Variants in MORF4L1 observed in about 807,000 individuals in gnomAD.
MORF4L1 encodes mortality factor 4 like 1, also known as mortality factor 4-like protein 1.
MORF4L1 carries 4 observed loss-of-function variants against 52.9 expected under a neutral mutation model. The observed-to-expected ratio is 0.08, with a 90% CI of 0.04 to 0.17. The LOEUF (loss-of-function observed/expected upper bound fraction) is 0.17, where lower values mean the gene tolerates loss of function less well. Among genes scored for constraint, MORF4L1 ranks in the 10% least tolerant of loss-of-function variants. The pLI is 1.00. For synonymous variants in MORF4L1, 123 were observed against 134.8 expected, an observed-to-expected ratio of 0.91 and a Z score of 0.61; for missense variants, 214 against 390.4, an observed-to-expected ratio of 0.55 and a Z score of 3.81.
At chr15:78,873,392 C>T (rs546445458) in intron 1 of MORF4L1, among the ~76,000 whole-genome samples, 19 of 111,632 alleles carry the variant, frequency 1.7e-4, no homozygotes, top group African/African-American at 2.8e-4. Context: ...GCCATGGCGG[C>T]GGTTAGGGGA....
At chr15:78,873,259 T>G (rs980300071) in intron 1 of MORF4L1, 37 of 1,487,816 alleles carry the variant, frequency 2.5e-5, no homozygotes, top group Middle Eastern at 2.4e-4. Flanking sequence ...GCGAGAGTGC[T>G]GCGCAGGCGT....
chr15:78,887,064 A>G (rs1350236659), intron 4 of MORF4L1, among the ~76,000 whole-genome samples: 1 of 152,128 alleles, frequency 6.6e-6, no homozygotes. Flanking sequence ...AGTCTATTAC[A>G]GTCACTTTTT....
chr15:78,878,072 A>C (rs2056529854), intron 1 of MORF4L1, 141 bp from the exon 2 acceptor site: 2 of 658,488 alleles, frequency 3.0e-6, no homozygotes, highest in Non-Finnish European at 4.8e-6. Flanking sequence ...AGTTTGAGCC[A>C]AAGTGGTGCT....
intron 4 of MORF4L1, 112 bp from the exon 5 acceptor site, chr15:78,887,157 T>TA (rs922804866): frequency 3.4e-6 from 3 of 873,492 alleles, no homozygotes; most frequent in Non-Finnish European, 5.5e-6. Context: ...TCCAACTTGT[T>TA]AAAAACTTGT....
chr15:78,876,086 C>G (rs1200043366), intron 1 of MORF4L1, among the ~76,000 whole-genome samples: 3 of 151,748 alleles, frequency 2.0e-5, no homozygotes, highest in African/African-American at 7.3e-5. Context: ...TATAGGCACG[C>G]GCCACCACGC....
At chr15:78,883,449 T>G (rs1438735974) in intron 3 of MORF4L1, among the ~76,000 whole-genome samples, 1 of 152,224 alleles carries the variant, frequency 6.6e-6, no homozygotes, top group Non-Finnish European at 1.5e-5. Context: ...ATTTGTAGCT[T>G]GTCACAAGTT....
At chr15:78,889,144 A>G (rs1256913694) in intron 5 of MORF4L1, among the ~76,000 whole-genome samples, 1 of 152,210 alleles carries the variant, frequency 6.6e-6, no homozygotes, top group Non-Finnish European at 1.5e-5. Flanking sequence ...AAATATATGA[A>G]GTAAAGCTTT....
rs1441372927 is a variant in MORF4L1, at chr15:78,897,130, C to T, written c.*63C>T. 1.0e-5 allele frequency: 13 copies of T among 1,288,784 alleles called. No individual in the cohort carries two copies. Among genetic ancestry groups the T allele is most frequent in the Admixed American group, 3.5e-5 (2 of 57,384 alleles). The allele number at this position is 1,288,784 out of a possible 1,614,324, so 79.8% of individuals were successfully genotyped here. On this transcript the variant is annotated 3_prime_UTR_variant, in exon 12 of 12. Coordinates refer to ENST00000426013, the MANE Select transcript of MORF4L1 (RefSeq NM_006791.4). ...ACACATTTTTGTTCTTAGTCTATCT[C>T]TTGTACAAACGATGTGCTTTGAAGA...
At chr15:78,893,517 A>C in intron 8 of MORF4L1, 22 bp from the exon 9 acceptor site, 1 of 1,505,858 alleles carries the variant, frequency 6.6e-7, no homozygotes. Context: ...GCTTATATTT[A>C]AGCATATTTT....
At chr15:78,891,913 C>G (rs958990352) in intron 7 of MORF4L1, among the ~76,000 whole-genome samples, 6 of 152,138 alleles carry the variant, frequency 3.9e-5, no homozygotes, top group Non-Finnish European at 8.8e-5. Context: ...TAAGAAAATA[C>G]TAAGTTAAAA....
At chr15:78,875,753 T>C (rs766188107) in intron 1 of MORF4L1, among the ~76,000 whole-genome samples, 1 of 149,014 alleles carries the variant, frequency 6.7e-6, no homozygotes, top group East Asian at 2.0e-4. Flanking sequence ...GCCATCGCAC[T>C]CCAGCCTGGG....
intron 2 of MORF4L1, among the ~76,000 whole-genome samples, chr15:78,878,897 G>T (rs56272008): frequency 0.13 from 19,734 of 152,078 alleles, 1,357 homozygotes; most frequent in East Asian, 0.26. Context: ...AAATGAGCCC[G>T]TAAAATACAA....
At chr15:78,884,352 A>C (rs532240737) in intron 3 of MORF4L1, among the ~76,000 whole-genome samples, 3 of 152,080 alleles carry the variant, frequency 2.0e-5, no homozygotes, top group Non-Finnish European at 4.4e-5. Context: ...TCTCTACTAA[A>C]AATTAGCTGG....
At chr15:78,893,143 A>G (rs2056828714) in intron 8 of MORF4L1, 1 of 158,358 alleles carries the variant, frequency 6.3e-6, no homozygotes, top group Admixed American at 6.2e-5. Context: ...GATCTAGCAA[A>G]TAGTATGCAT....
At chr15:78,885,161 A>T in intron 3 of MORF4L1, 1 of 1,155,194 alleles carries the variant, frequency 8.7e-7, no homozygotes, top group Non-Finnish European at 1.2e-6. Context: ...TGGCTGTATT[A>T]TATAAGAGGT....
chr15:78,889,783 A>C (rs1454393953), intron 5 of MORF4L1, among the ~76,000 whole-genome samples: 1 of 152,208 alleles, frequency 6.6e-6, no homozygotes, highest in Non-Finnish European at 1.5e-5. Flanking sequence ...AATTAAATGA[A>C]TATATTTAAT....
chr15:78,891,544 G>T lies in MORF4L1; in HGVS notation c.410G>T (p.Arg137Met). Residue 137 changes from arginine to methionine, a missense_variant, in exon 7 of 12, where the codon AGG (arginine) becomes ATG (methionine). Coordinates refer to ENST00000426013, the MANE Select transcript of MORF4L1 (RefSeq NM_006791.4). ...SETPQPPRKKRARVDPTVENE... is the reference protein window; with the variant it reads ...SETPQPPRKKMARVDPTVENE... ...ACCCCTCAGCCTCCTCGGAAGAAAA[G>T]GGCCCGGGTAGATCCTACTGTTGAA... 1 of 1,613,904 alleles carries T rather than the reference G, an allele frequency of 6.2e-7. No homozygotes were observed. Among genetic ancestry groups the T allele is most frequent in the Non-Finnish European group, 8.5e-7 (1 of 1,179,828 alleles).
intron 6 of MORF4L1, 24 bp downstream of exon 6, chr15:78,891,038 G>T: frequency 6.8e-7 from 1 of 1,468,916 alleles, no homozygotes. Flanking sequence ...CTTTCTTAAC[G>T]TTAATTTATG....
chr15:78,890,826 C>T, intron 5 of MORF4L1, 163 bp from the exon 6 acceptor site: 1 of 588,690 alleles, frequency 1.7e-6, no homozygotes, highest in Non-Finnish European at 2.5e-6. Flanking sequence ...GGAATTTAAC[C>T]AACTATCAAT....
Sources: gnomAD v4.1 joint callset for allele counts (sites outside exome capture counted in the v4.1 genomes callset) on GRCh38, gnomAD v4.1.1 for gene constraint, MANE v1.5 for transcripts, NCBI Gene and HGNC (gene_info 2026-07-23, HGNC 2026-07-21) for gene names.